Variants in MAST2 observed in about 807,000 individuals in gnomAD.
MAST2 encodes the protein microtubule-associated serine/threonine-protein kinase 2.
A neutral mutation model predicts 147.4 loss-of-function variants in MAST2; 70 were observed. The observed-to-expected ratio is 0.47, with a 90% CI of 0.39 to 0.58. MAST2 has a LOEUF of 0.58. Among genes scored for constraint, MAST2 ranks in the 20% least tolerant of loss-of-function variants. MAST2 has a pLI of 0.00. For synonymous variants in MAST2, 869 were observed against 896.8 expected (o/e 0.97, Z 0.55); for missense variants, 2,080 against 2,302.3 (o/e 0.90, Z 1.98).
At chr1:45,868,457 A>G (rs2148137024) in intron 3 of MAST2, among the ~76,000 whole-genome samples, 1 of 152,332 alleles carries the variant, frequency 6.6e-6, no homozygotes, top group African/African-American at 2.4e-5. Context: ...TTCTGAATTG[A>G]AAATATTTGT....
chr1:46,018,973 T>C (rs1433414138), intron 10 of MAST2, among the ~76,000 whole-genome samples: 1 of 152,218 alleles, frequency 6.6e-6, no homozygotes, highest in African/African-American at 2.4e-5. Context: ...CTATTTCACT[T>C]ATTCATTGTA....
intron 6 of MAST2, among the ~76,000 whole-genome samples, chr1:46,000,240 G>C (rs1370128079): frequency 6.6e-6 from 1 of 152,234 alleles, no homozygotes; most frequent in East Asian, 1.9e-4. Flanking sequence ...CTTGAATCCG[G>C]GAGGCAGAGG....
At chr1:45,855,550 G>T (rs1277773268) in intron 3 of MAST2, among the ~76,000 whole-genome samples, 1 of 151,998 alleles carries the variant, frequency 6.6e-6, no homozygotes, top group African/African-American at 2.4e-5. Flanking sequence ...TTTATTTCAA[G>T]TGGGGTTGAA....
At chr1:45,921,588 C>G (rs1018805975) in intron 4 of MAST2, among the ~76,000 whole-genome samples, 2 of 152,196 alleles carry the variant, frequency 1.3e-5, no homozygotes, top group Non-Finnish European at 2.9e-5. Context: ...GCTCCAAGGG[C>G]TGGCATGGGT....
intron 1 of MAST2, among the ~76,000 whole-genome samples, chr1:45,810,112 G>A (rs541756659): frequency 6.6e-6 from 1 of 152,128 alleles, no homozygotes; most frequent in Non-Finnish European, 1.5e-5. Flanking sequence ...CTCACAATAG[G>A]TGCTCAGTCA....
intron 10 of MAST2, among the ~76,000 whole-genome samples, chr1:46,014,658 C>T (rs962386562): frequency 6.6e-6 from 1 of 151,972 alleles, no homozygotes; most frequent in Non-Finnish European, 1.5e-5. Flanking sequence ...AATACAGGAG[C>T]ACCCAGTTTC....
intron 3 of MAST2, chr1:45,864,974 A>G (rs1223234870): frequency 2.6e-6 from 1 of 379,662 alleles, no homozygotes; most frequent in Non-Finnish European, 5.2e-6. Context: ...GGACAGAGGG[A>G]TAACTGGTTT....
intron 5 of MAST2, among the ~76,000 whole-genome samples, chr1:45,962,139 A>T (rs1209842896): frequency 1.3e-5 from 2 of 152,040 alleles, no homozygotes; most frequent in Non-Finnish European, 2.9e-5. Context: ...CATGGTGTAT[A>T]TGTGCCACAT....
At chr1:45,816,221 AAGAGAGAG>A (rs144287036) in intron 1 of MAST2, among the ~76,000 whole-genome samples, 7 of 134,738 alleles carry the variant, frequency 5.2e-5, no homozygotes, top group Non-Finnish European at 9.3e-5. Context: ...GAGAGAGAGA[AAGAGAGAG>A]AGAGAGAGAG....
chr1:45,826,435 C>G (rs1644795428), intron 2 of MAST2, among the ~76,000 whole-genome samples: 2 of 152,108 alleles, frequency 1.3e-5, no homozygotes, highest in Non-Finnish European at 2.9e-5. Flanking sequence ...TCACTGCAAC[C>G]TCTGCCTTCT....
At chr1:45,845,823 C>T (rs1645413663) in intron 3 of MAST2, among the ~76,000 whole-genome samples, 2 of 152,166 alleles carry the variant, frequency 1.3e-5, no homozygotes, top group Non-Finnish European at 2.9e-5. Context: ...TGCAGCGGTG[C>T]GATCTCGGCT....
At chr1:45,928,383 T>G (rs1179811007) in intron 4 of MAST2, among the ~76,000 whole-genome samples, 3 of 152,214 alleles carry the variant, frequency 2.0e-5, no homozygotes, top group Admixed American at 1.3e-4. Flanking sequence ...GTTGGTTTTT[T>G]GGAATCAGTA....
chr1:45,843,956 C>A (rs1645352579), intron 3 of MAST2, among the ~76,000 whole-genome samples: 1 of 152,126 alleles, frequency 6.6e-6, no homozygotes, highest in Non-Finnish European at 1.5e-5. Flanking sequence ...AAATTCGGAG[C>A]TGAATTTCAT....
In MAST2 at chr1:46,023,529, A is replaced by G; in HGVS notation, c.1571+211A>G. On this transcript the variant is annotated intron_variant, in intron 14 of 28. Transcript: ENST00000361297. This position sits in a 1 kb window ranked among gnomAD's most constrained non-coding sequence, Gnocchi z 4.9. ...AGACAAGATTCCCACGCCTCTTACT[A>G]CCACGCATCCTCCATTCCCTGAGCT... 1 of 620,286 alleles carries G rather than the reference A, an allele frequency of 1.6e-6. No individual in the cohort carries two copies. Among genetic ancestry groups the G allele is most frequent in the Non-Finnish European group, 2.9e-6 (1 of 348,434 alleles). 38.4% of individuals were successfully genotyped at this position (620,286 alleles called of 1,614,324 possible).
chr1:45,951,332 C>T (rs1190481184), intron 4 of MAST2, among the ~76,000 whole-genome samples: 2 of 152,014 alleles, frequency 1.3e-5, no homozygotes, highest in African/African-American at 2.4e-5. Flanking sequence ...CCTGTAATCC[C>T]AGCAGTTTGG....
chr1:45,963,451 T>C lies in MAST2; in HGVS notation c.592+3974T>C, dbSNP rs548287571. ...TCTTTTATTTCATTGAGCAGTGGTT[T>C]ATAGTTTTCCTTGAAGAGGTCCTTC... On this transcript the variant is annotated intron_variant, in intron 5 of 28. Coordinates refer to ENST00000361297, the MANE Select transcript of MAST2 (RefSeq NM_015112.3). Among the ~76,000 whole-genome samples the C allele has an allele frequency of 4.1e-4, 62 of 152,356 alleles. 1 individual carries two copies. The Middle Eastern group carries it at 0.034, about 84-fold the overall frequency.
chr1:46,023,051 T>C lies in MAST2; in HGVS notation c.1485+80T>C, dbSNP rs943264041. On this transcript the variant is annotated intron_variant, in intron 13 of 28. Coordinates refer to ENST00000361297, the MANE Select transcript of MAST2 (RefSeq NM_015112.3). This position sits in a 1 kb window ranked among gnomAD's most constrained non-coding sequence, Gnocchi z 4.9. Reference sequence around the variant, plus strand: ...GAGCTATGAATTCTCTTTAAGAGAATATCTGAGGAAGGGATGGGGGAGTTG... The same window carrying C: ...GAGCTATGAATTCTCTTTAAGAGAACATCTGAGGAAGGGATGGGGGAGTTG... The C allele has an allele frequency of 4.2e-5, 59 of 1,413,320 alleles. No individual in the cohort carries two copies. In the African/African-American group the frequency reaches 8.4e-4, roughly 20 times the overall value. 87.5% of individuals were successfully genotyped at this position (1,413,320 alleles called of 1,614,324 possible). A position where few individuals can be genotyped will look rare whatever the true frequency, so the allele number is the denominator to read the frequency against.
At chr1:45,986,716 C>CAAAAAAA (rs201589013) in intron 5 of MAST2, among the ~76,000 whole-genome samples, 2 of 120,234 alleles carry the variant, frequency 1.7e-5, no homozygotes, top group Non-Finnish European at 3.5e-5. Flanking sequence ...GACTCCGTCT[C>CAAAAAAA]AAAAAAAAAA....
chr1:45,911,531 T>C (rs1388150689), intron 4 of MAST2, among the ~76,000 whole-genome samples: 4 of 152,122 alleles, frequency 2.6e-5, no homozygotes, highest in Non-Finnish European at 4.4e-5. Flanking sequence ...ATTTATAGCA[T>C]TGGAAACTTG....
Sources: allele counts gnomAD v4.1 joint callset (sites outside exome capture counted in the v4.1 genomes callset), GRCh38; gene constraint gnomAD v4.1.1; non-coding constraint Gnocchi (gnomAD v3.1); transcripts MANE v1.5; gene names NCBI Gene and HGNC (gene_info 2026-07-23, HGNC 2026-07-21).